The following NHS variants were observed in gnomAD, a reference collection of about 807,000 sequenced individuals.
NHS encodes the protein NHS actin remodeling regulator.
NHS carries 5 observed loss-of-function variants against 72.5 expected under a neutral mutation model. That is an observed-to-expected ratio of 0.07 (90% CI 0.04 to 0.14). The LOEUF is 0.14. NHS is among the 10% of genes least tolerant of loss of function. The pLI, the probability that NHS is intolerant of heterozygous loss-of-function variation, is 1.00. For missense variants in NHS, 1,072 were observed against 1,355.7 expected, an observed-to-expected ratio of 0.79 and a Z score of 3.29; for synonymous variants, 464 against 547.7, an observed-to-expected ratio of 0.85 and a Z score of 2.13.
chrX:17,475,657 A>G (rs1436606438), intron 1 of NHS, among the ~76,000 whole-genome samples: 1 of 112,255 alleles, frequency 8.9e-6, no homozygotes, highest in Non-Finnish European at 1.9e-5. Flanking sequence ...ACATTTTCCC[A>G]TAAGCCTTTC....
Position 17,721,550 on chromosome X carries a change from C to T in NHS, c.1025C>T (p.Ala342Val). 1 of 1,211,416 alleles carries T rather than the reference C, an allele frequency of 8.3e-7. No homozygotes were observed. ...TLDKQTNWSK[A>V]LPLPTPEEKM... ...GACAAGCAGACCAACTGGAGCAAAGCACTACCTCTCCCGACGCCAGAGGAG... is the reference window on the plus strand; with the variant it reads ...GACAAGCAGACCAACTGGAGCAAAGTACTACCTCTCCCGACGCCAGAGGAG... Residue 342 changes from alanine to valine, a missense_variant, in exon 5 of 9, where the codon GCA becomes GTA. Physicochemically the swap from Ala to Val is moderately conservative, Grantham distance 64. Transcript: ENST00000676302.
intron 1 of NHS, among the ~76,000 whole-genome samples, chrX:17,571,408 G>A (rs142795371): frequency 1.1e-4 from 12 of 112,437 alleles, no homozygotes; most frequent in Non-Finnish European, 1.9e-4. Flanking sequence ...GAGGGTGTAT[G>A]TGTACAGGAA....
At chrX:17,535,192 C>CTG (rs2065217309) in intron 1 of NHS, among the ~76,000 whole-genome samples, 4 of 111,972 alleles carry the variant, frequency 3.6e-5, no homozygotes, top group African/African-American at 1.3e-4. Flanking sequence ...CCACCATTTC[C>CTG]TCTGACCTTG....
At chrX:17,631,130 T>A (rs2065821016) in intron 1 of NHS, among the ~76,000 whole-genome samples, 1 of 112,356 alleles carries the variant, frequency 8.9e-6, no homozygotes, top group African/African-American at 3.2e-5. Flanking sequence ...AGATCCACAG[T>A]CTTTGGCAAA....
chrX:17,609,257 G>A (rs1047597152), intron 1 of NHS, among the ~76,000 whole-genome samples: 1 of 112,216 alleles, frequency 8.9e-6, no homozygotes, highest in African/African-American at 3.2e-5. Context: ...AAGTGGAAGT[G>A]TTTATAAAAA....
chrX:17,716,532 G>A (rs2066365006), intron 3 of NHS, among the ~76,000 whole-genome samples: 1 of 110,802 alleles, frequency 9.0e-6, no homozygotes, highest in African/African-American at 3.3e-5. Flanking sequence ...CATTGTCTGT[G>A]GCTGATTTTT....
At chrX:17,683,430 GA>G (rs2066141164) in intron 1 of NHS, among the ~76,000 whole-genome samples, 1 of 111,825 alleles carries the variant, frequency 8.9e-6, no homozygotes, top group Non-Finnish European at 1.9e-5. Context: ...TTAGCTTAGG[GA>G]AACTTATTTC....
chrX:17,407,818 ACT>A (rs1359720925), intron 1 of NHS, among the ~76,000 whole-genome samples: 8 of 111,043 alleles, frequency 7.2e-5, no homozygotes, highest in Non-Finnish European at 9.4e-5. Context: ...TCTTGGTCAG[ACT>A]CTCTCTTGAG....
At chrX:17,497,122 G>A (rs1178579529) in intron 1 of NHS, among the ~76,000 whole-genome samples, 3 of 112,237 alleles carry the variant, frequency 2.7e-5, no homozygotes, top group Non-Finnish European at 5.6e-5. Flanking sequence ...AGAAATGCTC[G>A]CTGAATGGAT....
At chrX:17,530,809 C>A (rs191706836) in intron 1 of NHS, among the ~76,000 whole-genome samples, 2 of 111,133 alleles carry the variant, frequency 1.8e-5, no homozygotes, top group East Asian at 5.7e-4. Context: ...GACAAGGTCT[C>A]ACTCTGCCGC....
At chrX:17,683,610 CG>C in intron 1 of NHS, among the ~76,000 whole-genome samples, 1 of 111,415 alleles carries the variant, frequency 9.0e-6, no homozygotes, top group South Asian at 3.8e-4. Flanking sequence ...GAGTTGTGTG[CG>C]GGTACCATGA....
At chrX:17,649,718 G>T (rs1711827329) in intron 1 of NHS, among the ~76,000 whole-genome samples, 1 of 111,598 alleles carries the variant, frequency 9.0e-6, no homozygotes, top group African/African-American at 3.3e-5. Flanking sequence ...GAATTTTGAG[G>T]GAGAAATTTT....
intron 1 of NHS, among the ~76,000 whole-genome samples, chrX:17,448,569 C>T (rs946658855): frequency 3.6e-5 from 4 of 111,894 alleles, no homozygotes; most frequent in East Asian, 2.8e-4. Context: ...TGAGTGAACC[C>T]GGTGTGCACT....
At chrX:17,612,213 G>T (rs1469032707) in intron 1 of NHS, among the ~76,000 whole-genome samples, 1 of 108,369 alleles carries the variant, frequency 9.2e-6, no homozygotes, top group Non-Finnish European at 1.9e-5. Flanking sequence ...TTTGGGCAGG[G>T]CCAGACTTAC....
At chrX:17,638,708 T>G (rs768548741) in intron 1 of NHS, among the ~76,000 whole-genome samples, 1 of 112,176 alleles carries the variant, frequency 8.9e-6, no homozygotes, top group African/African-American at 3.2e-5. Flanking sequence ...GATGATGAAA[T>G]GAAAGAATGC....
Position 17,549,083 on chromosome X carries a change from A to C in NHS, c.566-138659A>C, listed in dbSNP as rs751137439. ...GGTGGGGGTGGAGAGACTGGAAGAAAGGGAGGGGGAGACCTATTTGAAAAG... is the reference window on the plus strand; with the variant it reads ...GGTGGGGGTGGAGAGACTGGAAGAACGGGAGGGGGAGACCTATTTGAAAAG... On this transcript the variant is annotated intron_variant, in intron 1 of 8. Transcript: ENST00000676302. Among the ~76,000 whole-genome samples the C allele has an allele frequency of 1.9e-4, 18 of 92,819 alleles. No individual in the cohort carries two copies. In the Middle Eastern group the frequency reaches 0.016, roughly 82 times the overall value. 80.6% of individuals were successfully genotyped at this position (92,819 alleles called of 115,157 possible).
rs1175017522 is a variant in NHS at position 17,565,473 on chromosome X, C to T, written c.566-122269C>T. Among the ~76,000 whole-genome samples the T allele has an allele frequency of 5.3e-5, 6 of 112,364 alleles. No homozygotes were observed. The Admixed American group carries it at 5.7e-4, about 11-fold the overall frequency. ...TATGCAGCAGTAGATAACTCATAAA[C>T]ATCCAATGGCAGCTTTACAGTTTTT... On this transcript the variant is annotated intron_variant, in intron 1 of 8. Transcript: ENST00000676302.
intron 1 of NHS, among the ~76,000 whole-genome samples, chrX:17,612,984 A>G (rs2065718232): frequency 9.6e-6 from 1 of 104,075 alleles, no homozygotes. Context: ...GTACTGATTG[A>G]TCATTTTTCA....
chrX:17,522,638 A>G (rs1032638244), intron 1 of NHS, among the ~76,000 whole-genome samples: 5 of 88,299 alleles, frequency 5.7e-5, no homozygotes, highest in African/African-American at 8.5e-5. Context: ...ACTGGATTTC[A>G]GTTCAGGCCT....
Sources: allele counts gnomAD v4.1 joint callset (sites outside exome capture counted in the v4.1 genomes callset), GRCh38; gene constraint gnomAD v4.1.1; transcripts MANE v1.5; gene names NCBI Gene and HGNC (gene_info 2026-07-23, HGNC 2026-07-21).